The following ADAMTS9 variants were observed in gnomAD, a reference collection of about 807,000 sequenced individuals.
ADAMTS9 encodes the protein ADAM metallopeptidase with thrombospondin type 1 motif 9, also known as A disintegrin and metalloproteinase with thrombospondin motifs 9.
In ADAMTS9, 107 loss-of-function variants were observed where a neutral mutation model predicts 257.1. The observed-to-expected ratio is 0.42, with a 90% CI of 0.36 to 0.49. ADAMTS9 has a LOEUF of 0.49. ADAMTS9 is among the 20% of genes least tolerant of loss of function. ADAMTS9 has a pLI of 0.03. For missense variants in ADAMTS9, 2,353 were observed against 2,469.1 expected, an observed-to-expected ratio of 0.95 and a Z score of 1.00; for synonymous variants, 982 against 880.9, an observed-to-expected ratio of 1.11 and a Z score of -2.03.
At chr3:64,666,705 T>A (rs1451704076) in intron 3 of ADAMTS9, among the ~76,000 whole-genome samples, 1 of 152,244 alleles carries the variant, frequency 6.6e-6, no homozygotes, top group Non-Finnish European at 1.5e-5. Context: ...TAAAATGCCC[T>A]TAAAGCAGGG....
At chr3:64,606,574 G>T (rs543707301) in intron 23 of ADAMTS9, among the ~76,000 whole-genome samples, 11 of 152,220 alleles carry the variant, frequency 7.2e-5, no homozygotes, top group Middle Eastern at 3.4e-3. Context: ...CAAAACTCCT[G>T]CAAAATTTAT....
chr3:64,598,239 T>C (rs1435991029), intron 26 of ADAMTS9, among the ~76,000 whole-genome samples: 2 of 152,122 alleles, frequency 1.3e-5, no homozygotes, highest in Non-Finnish European at 2.9e-5. Context: ...TATTTAGGTA[T>C]TTTTCAAGTT....
chr3:64,618,827 C>T (rs975185398), intron 19 of ADAMTS9, among the ~76,000 whole-genome samples: 14 of 152,098 alleles, frequency 9.2e-5, no homozygotes, highest in African/African-American at 3.4e-4. Flanking sequence ...TCTTTTGCAT[C>T]ATTTTACACA....
At chr3:64,682,614 C>G (rs1701787336) in intron 2 of ADAMTS9, among the ~76,000 whole-genome samples, 1 of 152,210 alleles carries the variant, frequency 6.6e-6, no homozygotes, top group African/African-American at 2.4e-5. Context: ...GAAAAAAAAT[C>G]TGATGCCTTG....
intron 28 of ADAMTS9, 66 bp from the exon 29 acceptor site, chr3:64,568,601 T>C: frequency 1.3e-6 from 2 of 1,581,902 alleles, no homozygotes; most frequent in Non-Finnish European, 1.7e-6. Context: ...AGAAAAAACC[T>C]GCGTCTTGAG....
chr3:64,649,390 T>A (rs896364163), intron 10 of ADAMTS9, among the ~76,000 whole-genome samples: 3 of 152,182 alleles, frequency 2.0e-5, no homozygotes, highest in African/African-American at 7.2e-5. Flanking sequence ...AAAATGAAAG[T>A]GATGATGGCA....
chr3:64,665,733 T>G (rs114904601), intron 3 of ADAMTS9, among the ~76,000 whole-genome samples: 1 of 152,096 alleles, frequency 6.6e-6, no homozygotes, highest in African/African-American at 2.4e-5. Context: ...TTTAATACTG[T>G]GAAAAAAGGA....
intron 3 of ADAMTS9, among the ~76,000 whole-genome samples, chr3:64,678,818 T>C (rs1701686387): frequency 6.6e-6 from 1 of 152,114 alleles, no homozygotes; most frequent in African/African-American, 2.4e-5. Context: ...AGAAGCTGCA[T>C]CTGAATTCAA....
intron 38 of ADAMTS9, among the ~76,000 whole-genome samples, chr3:64,530,504 A>G (rs74624717): frequency 0.044 from 6,623 of 148,904 alleles, 397 homozygotes; most frequent in African/African-American, 0.12. Context: ...CACTCTCTGA[A>G]CTGCCAAGGA....
Position 64,593,391 on chromosome 3 carries a change from T to TA in ADAMTS9, c.4356+866dup, listed in dbSNP as rs1164562821. ...TTCTGGATATGACTTAATACAATAC[T>TA]AAATTCAGCTTCAGTGCAATTAATG... On this transcript the variant is annotated intron_variant, in intron 28 of 39. Transcript: ENST00000498707. Among the ~76,000 whole-genome samples, 4 of 152,312 alleles carry TA rather than the reference T, an allele frequency of 2.6e-5. No individual in the cohort carries two copies. In the East Asian group the frequency reaches 7.7e-4, roughly 29 times the overall value.
At chr3:64,632,828 C>CAA (rs67246847) in intron 14 of ADAMTS9, among the ~76,000 whole-genome samples, 28,908 of 124,004 alleles carry the variant, frequency 0.23, 3,291 homozygotes, top group Non-Finnish European at 0.3. Context: ...GGACCACAGG[C>CAA]AAAAAAAAAA....
At chr3:64,536,549 G>C (rs185231546) in intron 37 of ADAMTS9, among the ~76,000 whole-genome samples, 25 of 152,310 alleles carry the variant, frequency 1.6e-4, no homozygotes, top group African/African-American at 6.0e-4. Context: ...GAATCAAAAA[G>C]ACATGTCTAC....
intron 28 of ADAMTS9, among the ~76,000 whole-genome samples, chr3:64,578,611 T>A (rs1218600592): frequency 1.3e-5 from 2 of 152,154 alleles, no homozygotes; most frequent in Non-Finnish European, 2.9e-5. Flanking sequence ...TCAATTCTGT[T>A]TAACAGAGAT....
chr3:64,640,550 G>A (rs945750866), intron 12 of ADAMTS9, among the ~76,000 whole-genome samples: 1 of 152,124 alleles, frequency 6.6e-6, no homozygotes, highest in Admixed American at 6.5e-5. Context: ...AAATAAATGA[G>A]ACTGCTAGGG....
At chr3:64,550,733 G>A in intron 31 of ADAMTS9, 159 bp downstream of exon 31, 2 of 818,634 alleles carry the variant, frequency 2.4e-6, no homozygotes, top group Non-Finnish European at 3.7e-6. Context: ...TTCTAGCTTG[G>A]GAAAGCTGAG....
rs1305197255 is a variant in ADAMTS9, at chr3:64,621,084, A to G, written c.2813+30T>C. The G allele has an allele frequency of 3.8e-6, 6 of 1,589,722 alleles. 1 individual carries two copies. The South Asian group carries it at 6.9e-5, about 18-fold the overall frequency. On this transcript the variant is annotated intron_variant, in intron 19 of 39. Transcript: ENST00000498707. ...TCCTGCAAGACTCTCACAATTCAGT[A>G]ATAAAGGCCTTGAGAAAACAGTGGC...
intron 37 of ADAMTS9, among the ~76,000 whole-genome samples, chr3:64,535,647 G>A (rs1363269168): frequency 6.7e-6 from 1 of 150,128 alleles, no homozygotes; most frequent in Non-Finnish European, 1.5e-5. Context: ...TCTGCCTCCC[G>A]GGTTCAAATG....
chr3:64,656,415 ACT>A (rs1484868635), intron 4 of ADAMTS9, among the ~76,000 whole-genome samples: 1 of 152,052 alleles, frequency 6.6e-6, no homozygotes, highest in Non-Finnish European at 1.5e-5. Context: ...ACACAGCGAA[ACT>A]CTGGGCTGAA....
At chr3:64,548,020 T>C (rs941134392) in intron 31 of ADAMTS9, among the ~76,000 whole-genome samples, 3 of 152,120 alleles carry the variant, frequency 2.0e-5, no homozygotes, top group Non-Finnish European at 2.9e-5. Flanking sequence ...TTACGGTTCT[T>C]GGGTGAGGGT....
Sources: allele counts gnomAD v4.1 joint callset (sites outside exome capture counted in the v4.1 genomes callset), GRCh38; gene constraint gnomAD v4.1.1; transcripts MANE v1.5; gene names NCBI Gene and HGNC (gene_info 2026-07-23, HGNC 2026-07-21).